The following ROCK2 variants were observed in gnomAD, a reference collection of about 807,000 sequenced individuals.
The protein encoded by ROCK2 is rho-associated protein kinase 2.
A neutral mutation model predicts 195.1 loss-of-function variants in ROCK2; 61 were observed. The ratio of observed to expected loss-of-function variants is 0.31; its 90% CI spans 0.25 to 0.39. The LOEUF (loss-of-function observed/expected upper bound fraction) is 0.39, where lower values mean the gene tolerates loss of function less well. ROCK2 is among the 10% of genes least tolerant of loss of function. ROCK2 has a pLI of 1.00. For missense variants in ROCK2, 1,109 were observed against 1,637.4 expected, an observed-to-expected ratio of 0.68 and a Z score of 5.57; for synonymous variants, 504 against 545.5, an observed-to-expected ratio of 0.92 and a Z score of 1.06.
In ROCK2 at chr2:11,214,913, G is replaced by C. The variant is rs935995814; in HGVS notation, c.1863C>G (p.Ile621Met). Residue 621 changes from isoleucine to methionine, a missense_variant, in exon 16 of 33, where the codon ATC becomes ATG. Physicochemically the swap from Ile to Met is conservative, Grantham distance 10 (BLOSUM62 1). Transcript: ENST00000315872. ...TAKLKLEKEFINLQSALESER... is the reference protein window; with the variant it reads ...TAKLKLEKEFMNLQSALESER... The stretch of plus-strand genomic sequence containing the variant: ...CAGATTCTAGAGCTGACTGAAGATT[G>C]ATAAATTCCTTTTCAAGTTTTAACT... 1 of 1,613,868 alleles carries C rather than the reference G, an allele frequency of 6.2e-7. No homozygotes were observed. Among genetic ancestry groups the C allele is most frequent in the Non-Finnish European group, 8.5e-7 (1 of 1,179,872 alleles).
chr2:11,283,503 G>C (rs1667082742), intron 3 of ROCK2, among the ~76,000 whole-genome samples: 1 of 145,664 alleles, frequency 6.9e-6, no homozygotes, highest in African/African-American at 2.5e-5. Context: ...GGAGCTTGCA[G>C]TGAGCCGAGA....
chr2:11,286,238 G>A (rs1667183353), intron 3 of ROCK2, among the ~76,000 whole-genome samples: 1 of 147,160 alleles, frequency 6.8e-6, no homozygotes, highest in African/African-American at 2.5e-5. Flanking sequence ...AGTTCCTTAA[G>A]CAGATGTTTT....
At chr2:11,247,881 G>A (rs531780459) in intron 4 of ROCK2, among the ~76,000 whole-genome samples, 1 of 152,078 alleles carries the variant, frequency 6.6e-6, no homozygotes, top group Non-Finnish European at 1.5e-5. Flanking sequence ...AATTAACCAG[G>A]TGTGGTAGTG....
In ROCK2 at chr2:11,224,410, T is replaced by C. The variant is rs922190084; in HGVS notation, c.919A>G (p.Met307Val). 6.2e-7 allele frequency: 1 copy of C among 1,612,624 alleles called. No homozygotes were observed. The highest frequency in any genetic ancestry group is 8.5e-7 in the Non-Finnish European group (1 of 1,179,236). ...DSLVGTYSKI[M>V]DHKNSLCFPE... is the part of the protein sequence containing the mutation. Reference sequence around the variant, plus strand: ...AAACACAGTGAATTCTTATGATCCATAATTTTGCTATATGTTCCTACAAGT... The same window carrying C: ...AAACACAGTGAATTCTTATGATCCACAATTTTGCTATATGTTCCTACAAGT... Residue 307 changes from methionine (M) to valine (V), a missense_variant, in exon 7 of 33, where the codon ATG becomes GTG. Transcript: ENST00000315872.
At chr2:11,186,813 T>A (rs1486319904) in intron 32 of ROCK2, among the ~76,000 whole-genome samples, 1 of 152,192 alleles carries the variant, frequency 6.6e-6, no homozygotes, top group Non-Finnish European at 1.5e-5. Context: ...TGATTTTCCC[T>A]TATTTGTCTG....
chr2:11,301,679 G>A (rs1667709776), intron 1 of ROCK2, among the ~76,000 whole-genome samples: 1 of 151,444 alleles, frequency 6.6e-6, no homozygotes, highest in African/African-American at 2.4e-5. Context: ...TTGGGAGGCT[G>A]AGGGAGGAGA....
In ROCK2 at chr2:11,238,332, G is replaced by A. The variant is rs967584253; in HGVS notation, c.463-2370C>T. On this transcript the variant is annotated intron_variant, in intron 4 of 32. Coordinates refer to ENST00000315872, the MANE Select transcript of ROCK2 (RefSeq NM_004850.5). The stretch of plus-strand genomic sequence containing the variant: ...ACCACCTCATGTACACGGATTGGAA[G>A]AATCAATACTATCAAAATGGCAACT... Among the ~76,000 whole-genome samples the A allele has an allele frequency of 8.6e-5, 13 of 151,570 alleles. No homozygotes were observed. The South Asian group carries it at 2.7e-3, about 32-fold the overall frequency.
At chr2:11,285,802 C>T (rs770040541) in intron 3 of ROCK2, among the ~76,000 whole-genome samples, 43 of 151,944 alleles carry the variant, frequency 2.8e-4, no homozygotes, top group Middle Eastern at 3.4e-3. Context: ...ACTCCAGCCT[C>T]AGTGACAAAG....
rs1558370127 is a variant in ROCK2 at position 11,296,052 on chromosome 2, A to AGAGAGAG, written c.142-8317_142-8316insCTCTCTC. Among the ~76,000 whole-genome samples, 45 of 47,850 alleles carry AGAGAGAG rather than the reference A, an allele frequency of 9.4e-4. 3 individuals carry two copies. The highest frequency in any genetic ancestry group is 1.4e-3 in the Non-Finnish European group (34 of 23,646). The allele number at this position is 47,850 out of a possible 152,430, so 31.4% of individuals were successfully genotyped here. A position where few individuals can be genotyped will look rare whatever the true frequency, so the allele number is the denominator to read the frequency against. ...AGAGAGAGAGAGAGAGAGAGAGAGA[A>AGAGAGAG]AACAAAGGGTCTCAAAGCAGAATAA... is the stretch of plus-strand genomic sequence containing the variant. On this transcript the variant is annotated intron_variant, in intron 1 of 32. Coordinates refer to ENST00000315872, the MANE Select transcript of ROCK2 (RefSeq NM_004850.5).
intron 1 of ROCK2, among the ~76,000 whole-genome samples, chr2:11,322,274 A>G (rs1201749664): frequency 6.6e-6 from 1 of 152,158 alleles, no homozygotes; most frequent in African/African-American, 2.4e-5. Flanking sequence ...CATGTTGTAC[A>G]CCATAAATAC....
At chr2:11,285,071 T>A (rs1347794148) in intron 3 of ROCK2, among the ~76,000 whole-genome samples, 1 of 152,064 alleles carries the variant, frequency 6.6e-6, no homozygotes, top group East Asian at 1.9e-4. Context: ...AAGACCAGAC[T>A]GACCAACATG....
intron 1 of ROCK2, among the ~76,000 whole-genome samples, chr2:11,327,948 G>C (rs1338202063): frequency 1.3e-5 from 2 of 151,940 alleles, no homozygotes; most frequent in Non-Finnish European, 1.5e-5. Context: ...TTTGTGATAA[G>C]CTGACAAAAC....
At chr2:11,237,954 C>T (rs548878253) in intron 4 of ROCK2, among the ~76,000 whole-genome samples, 2 of 152,152 alleles carry the variant, frequency 1.3e-5, no homozygotes, top group South Asian at 2.1e-4. Context: ...TGGCGCATGC[C>T]GTAATCCCAG....
At position 11,317,612 on chromosome 2, in the gene ROCK2, A is replaced by ATTTTTTTTTT. The variant is rs1553317464; in HGVS notation, c.141+26374_141+26383dup. 2.1e-4 allele frequency among the ~76,000 whole-genome samples: 4 copies of ATTTTTTTTTT among 19,312 alleles called. 1 individual carries two copies. The highest frequency in any genetic ancestry group is 2.7e-3 in the South Asian group (1 of 364). The allele number at this position is 19,312 out of a possible 152,430, so 12.7% of individuals were successfully genotyped here. A position where few individuals can be genotyped will look rare whatever the true frequency, so the allele number is the denominator to read the frequency against. Reference sequence around the variant, plus strand: ...TATATATATATATATATATATATATATTTTTTTTTTTTTTTAATTATACTT... The same window carrying ATTTTTTTTTT: ...TATATATATATATATATATATATATATTTTTTTTTTTTTTTTTTTTTTTTTAATTATACTT... On this transcript the variant is annotated intron_variant, in intron 1 of 32. Transcript: ENST00000315872.
chr2:11,186,303 G>A (rs1029915276), intron 32 of ROCK2, among the ~76,000 whole-genome samples: 2 of 152,126 alleles, frequency 1.3e-5, no homozygotes, highest in African/African-American at 2.4e-5. Context: ...GCCTTCCAGG[G>A]CATCCAAGCC....
intron 1 of ROCK2, among the ~76,000 whole-genome samples, chr2:11,293,694 A>C (rs890799717): frequency 6.6e-6 from 1 of 152,148 alleles, no homozygotes; most frequent in Non-Finnish European, 1.5e-5. Context: ...CTTTGCATTA[A>C]TTTTTAAAAT....
At chr2:11,297,535 T>C (rs1462942947) in intron 1 of ROCK2, among the ~76,000 whole-genome samples, 4 of 152,140 alleles carry the variant, frequency 2.6e-5, no homozygotes, top group Admixed American at 6.5e-5. Flanking sequence ...CGCCGCCTCC[T>C]ATAAGTCATA....
intron 32 of ROCK2, among the ~76,000 whole-genome samples, chr2:11,191,634 T>C (rs2148029128): frequency 6.6e-6 from 1 of 152,334 alleles, no homozygotes; most frequent in East Asian, 1.9e-4. Context: ...TTTTAAGTTA[T>C]TAAATTACTC....
intron 3 of ROCK2, among the ~76,000 whole-genome samples, chr2:11,268,456 AAC>A (rs1315263427): frequency 2.8e-5 from 4 of 144,448 alleles, no homozygotes; most frequent in South Asian, 2.4e-4. Context: ...CTCCGGATGT[AAC>A]AGTTTTACTG....
Sources: allele counts gnomAD v4.1 joint callset (sites outside exome capture counted in the v4.1 genomes callset), GRCh38; gene constraint gnomAD v4.1.1; transcripts MANE v1.5; gene names NCBI Gene and HGNC (gene_info 2026-07-23, HGNC 2026-07-21).